The following PLAC1 variants were observed in gnomAD, a reference collection of about 807,000 sequenced individuals.
The protein encoded by PLAC1 is placenta-specific protein 1.
For synonymous variants in PLAC1, 68 were observed against 62.1 expected (o/e 1.09, Z -0.44); for missense variants, 136 against 163.2 (o/e 0.83, Z 0.91).
intron 1 of PLAC1, among the ~76,000 whole-genome samples, chrX:134,624,581 A>G (rs754656761): frequency 5.2e-4 from 58 of 112,443 alleles, no homozygotes; most frequent in African/African-American, 1.9e-3. Context: ...AAAGGCTTGT[A>G]AAGTATTACT....
chrX:134,698,887 TGG>T (rs2078573596), intron 2 of PLAC1, among the ~76,000 whole-genome samples: 1 of 111,143 alleles, frequency 9.0e-6, no homozygotes, highest in Non-Finnish European at 1.9e-5. Flanking sequence ...ATTCCCATGC[TGG>T]TCTTCCATAA....
chrX:134,651,117 C>T lies in PLAC1; in HGVS notation c.-131+7211G>A, dbSNP rs2078360376. 1.1e-5 allele frequency: 3 copies of T among 278,051 alleles called. No individual in the cohort carries two copies. In the South Asian group the frequency reaches 1.4e-4, roughly 13 times the overall value. 22.9% of individuals were successfully genotyped at this position (278,051 alleles called of 1,213,427 possible). A position where few individuals can be genotyped will look rare whatever the true frequency, so the allele number is the denominator to read the frequency against. ...TGAGAAGCATGTTGTCTTTATTGCT[C>T]AGAGGAGAATTCTGCCTAAGCCAAC... On this transcript the variant is annotated intron_variant, in intron 1 of 2. Coordinates refer to ENST00000359237, the MANE Select transcript of PLAC1 (RefSeq NM_021796.4).
At chrX:134,750,947 ATATATATATATATATTT>A (rs2078743431) in intron 1 of PLAC1, among the ~76,000 whole-genome samples, 1 of 39,606 alleles carries the variant, frequency 2.5e-5, no homozygotes, top group Non-Finnish European at 3.9e-5. Flanking sequence ...ATATTTATAA[ATATATATATATATATTT>A]ATATATATAT....
intron 2 of PLAC1, among the ~76,000 whole-genome samples, chrX:134,569,996 A>ATTTTTT (rs1569373206): frequency 9.1e-6 from 1 of 109,794 alleles, no homozygotes; most frequent in African/African-American, 3.3e-5. Context: ...TGCCCTGCTA[A>ATTTTTT]TTTTTGTATT....
chrX:134,660,330 T>C (rs2078412020), upstream of PLAC1, among the ~76,000 whole-genome samples: 1 of 111,574 alleles, frequency 9.0e-6, no homozygotes, highest in Non-Finnish European at 1.9e-5. Context: ...GGTCTTGAAC[T>C]CCTGACCTCG....
At chrX:134,761,442 CG>C (rs894691739) in intron 1 of PLAC1, among the ~76,000 whole-genome samples, 3 of 111,854 alleles carry the variant, frequency 2.7e-5, no homozygotes, top group Admixed American at 9.5e-5. Flanking sequence ...GGTTCGGGAT[CG>C]GGGGGAAGGG....
chrX:134,595,426 A>G (rs1431566602), intron 2 of PLAC1, among the ~76,000 whole-genome samples: 2 of 109,947 alleles, frequency 1.8e-5, no homozygotes, highest in East Asian at 5.7e-4. Context: ...TGTTCTATCA[A>G]TTGTAAGAGA....
At chrX:134,593,187 T>C (rs760776554) in intron 2 of PLAC1, among the ~76,000 whole-genome samples, 1 of 112,163 alleles carries the variant, frequency 8.9e-6, no homozygotes, top group South Asian at 3.7e-4. Context: ...CTTTCCTCCA[T>C]TGAATTGTGT....
In PLAC1 at chrX:134,566,575, C is replaced by G. The variant is rs767611373; in HGVS notation, c.108G>C (p.Met36Ile). The G allele has an allele frequency of 1.7e-6, 2 of 1,211,326 alleles. No individual in the cohort carries two copies. Among genetic ancestry groups the G allele is most frequent in the East Asian group, 5.9e-5 (2 of 33,839 alleles). The stretch of plus-strand genomic sequence containing the variant: ...TTAGCATGAAGGGGTGCACTGTGAC[C>G]ATGAACCAGTCTATGGAGCACAGCA... ...MTVLCSIDWF[M>I]VTVHPFMLNN... The change falls in exon 3 of 3, where the codon ATG becomes ATC. Residue 36 changes from methionine (M) to isoleucine (I), a missense_variant. Met to Ile is a conservative substitution (Grantham distance 10, BLOSUM62 1). Transcript: ENST00000359237.
chrX:134,753,608 G>A (rs1489220665), intron 1 of PLAC1, among the ~76,000 whole-genome samples: 1 of 109,974 alleles, frequency 9.1e-6, no homozygotes, highest in Non-Finnish European at 1.9e-5. Flanking sequence ...GGAACGAGAT[G>A]GTATAATCTT....
chrX:134,686,396 G>A (rs2078517112), intron 2 of PLAC1, among the ~76,000 whole-genome samples: 1 of 111,727 alleles, frequency 9.0e-6, no homozygotes, highest in South Asian at 3.8e-4. Flanking sequence ...TCTTCTGTGG[G>A]ATAGTTTCAT....
At chrX:134,759,119 A>C (rs774798315) in intron 1 of PLAC1, among the ~76,000 whole-genome samples, 6 of 111,424 alleles carry the variant, frequency 5.4e-5, no homozygotes, top group Admixed American at 9.5e-5. Flanking sequence ...AAGACAAAAA[A>C]TAAGAGATGT....
intron 2 of PLAC1, among the ~76,000 whole-genome samples, chrX:134,694,044 G>A (rs1268164721): frequency 3.6e-5 from 4 of 111,191 alleles, no homozygotes; most frequent in Non-Finnish European, 7.5e-5. Flanking sequence ...AGGAATTTTC[G>A]AGGTGCGTTT....
intron 2 of PLAC1, among the ~76,000 whole-genome samples, chrX:134,696,889 G>A (rs1314170151): frequency 7.3e-5 from 8 of 109,122 alleles, no homozygotes; most frequent in East Asian, 2.9e-4. Flanking sequence ...AAAATTAGCC[G>A]GGCGGGGTGG....
chrX:134,567,814 G>GA (rs1491275062), intron 2 of PLAC1, among the ~76,000 whole-genome samples: 8 of 89,955 alleles, frequency 8.9e-5, no homozygotes, highest in Non-Finnish European at 1.6e-4. Flanking sequence ...GAGAGAGAGA[G>GA]GGAGGGAGGG....
At chrX:134,644,780 C>G (rs1300083538) in intron 1 of PLAC1, among the ~76,000 whole-genome samples, 1 of 111,544 alleles carries the variant, frequency 9.0e-6, no homozygotes. Context: ...CAATTACCTA[C>G]TCTATCTGGT....
chrX:134,685,679 A>G (rs1310603158), intron 2 of PLAC1, among the ~76,000 whole-genome samples: 1 of 110,589 alleles, frequency 9.0e-6, no homozygotes, highest in Non-Finnish European at 1.9e-5. Flanking sequence ...GGAAAATTCA[A>G]TATTTTGTGC....
chrX:134,594,547 T>A (rs1293020318), intron 2 of PLAC1, among the ~76,000 whole-genome samples: 1 of 111,732 alleles, frequency 8.9e-6, no homozygotes, highest in African/African-American at 3.2e-5. Context: ...GTTTTTAAAT[T>A]ATGAATTTAA....
intron 2 of PLAC1, among the ~76,000 whole-genome samples, chrX:134,582,014 T>C (rs1209958504): frequency 8.9e-6 from 1 of 112,121 alleles, no homozygotes. Flanking sequence ...GCTCATTCTA[T>C]GGGTTGTTCG....
Sources: gnomAD v4.1 joint callset for allele counts (sites outside exome capture counted in the v4.1 genomes callset) on GRCh38, gnomAD v4.1.1 for gene constraint, MANE v1.5 for transcripts, NCBI Gene and HGNC (gene_info 2026-07-23, HGNC 2026-07-21) for gene names.